The following PPP2R2C variants were observed in gnomAD, a reference collection of about 807,000 sequenced individuals.
The protein encoded by PPP2R2C is protein phosphatase 2 regulatory subunit Bgamma.
In PPP2R2C, 10 loss-of-function variants were observed where a neutral mutation model predicts 45.3. The observed-to-expected ratio is 0.22, with a 90% CI of 0.14 to 0.37. PPP2R2C has a LOEUF of 0.37. Ranked by LOEUF, PPP2R2C falls within the 10% of genes least tolerant of loss-of-function variation. The probability of loss-of-function intolerance (pLI) is 1.00; values close to 1 mark genes in which losing one functional copy is unlikely to be tolerated. For missense variants in PPP2R2C, 308 were observed against 619.7 expected (o/e 0.50, Z 5.34); for synonymous variants, 257 against 245.4 (o/e 1.05, Z -0.44).
chr4:6,397,962 A>G (rs1717157969), intron 1 of PPP2R2C, among the ~76,000 whole-genome samples: 1 of 152,246 alleles, frequency 6.6e-6, no homozygotes, highest in Non-Finnish European at 1.5e-5. Context: ...GGATCAATAC[A>G]ACTAAACAGA....
chr4:6,555,898 G>T (rs956074426), intron 1 of PPP2R2C, among the ~76,000 whole-genome samples: 2 of 152,212 alleles, frequency 1.3e-5, no homozygotes, highest in Non-Finnish European at 2.9e-5. Context: ...GACCTCAGCT[G>T]TGGCAGTGGC....
At chr4:6,535,746 G>A (rs960968923) in intron 1 of PPP2R2C, among the ~76,000 whole-genome samples, 7 of 152,052 alleles carry the variant, frequency 4.6e-5, no homozygotes, top group African/African-American at 1.7e-4. Flanking sequence ...GGTCACTCCC[G>A]CTTAAAAACA....
intron 5 of PPP2R2C, chr4:6,348,964 C>T (rs888849517): frequency 1.9e-5 from 18 of 962,182 alleles, no homozygotes; most frequent in South Asian, 4.8e-5. Flanking sequence ...GCAACTCGTC[C>T]GGGGTGGCCC....
chr4:6,482,612 C>A (rs1293016677), intron 2 of PPP2R2C, among the ~76,000 whole-genome samples: 1 of 152,208 alleles, frequency 6.6e-6, no homozygotes, highest in Admixed American at 6.5e-5. Flanking sequence ...TTTTGTTGAA[C>A]TGTCACATGC....
At position 6,345,282 on chromosome 4, in the gene PPP2R2C, T is replaced by C. The variant is rs1711738298; in HGVS notation, c.790+2564A>G. ...ACACAGGCACAGCTGGAGGCACATGTGGCCTGAGTGAATGGGCGGGAGGCG... is the reference window on the plus strand; with the variant it reads ...ACACAGGCACAGCTGGAGGCACATGCGGCCTGAGTGAATGGGCGGGAGGCG... On this transcript the variant is annotated intron_variant, in intron 6 of 8. Coordinates refer to ENST00000382599, the MANE Select transcript of PPP2R2C (RefSeq NM_020416.4). The surrounding 1 kb of genome is among the most constrained non-coding windows in gnomAD (Gnocchi z 5.3). Among the ~76,000 whole-genome samples the C allele has an allele frequency of 6.6e-6, 1 of 152,146 alleles. No homozygotes were observed. The highest frequency in any genetic ancestry group is 2.1e-4 in the South Asian group (1 of 4,828).
chr4:6,553,543 G>A (rs548503459), intron 1 of PPP2R2C, among the ~76,000 whole-genome samples: 1 of 152,282 alleles, frequency 6.6e-6, no homozygotes, highest in African/African-American at 2.4e-5. Context: ...TCCACCACAG[G>A]TAGCCTTCAT....
intron 5 of PPP2R2C, chr4:6,351,134 G>A (rs1337688895): frequency 3.1e-6 from 2 of 650,188 alleles, no homozygotes; most frequent in Non-Finnish European, 3.8e-6. Flanking sequence ...CCAAAACCCC[G>A]TCTCTACTAA....
At chr4:6,546,823 T>G (rs1009713797) in intron 1 of PPP2R2C, among the ~76,000 whole-genome samples, 2 of 151,806 alleles carry the variant, frequency 1.3e-5, no homozygotes, top group Admixed American at 6.6e-5. Flanking sequence ...GTGGTCCTTA[T>G]GAAAAAGGGC....
At chr4:6,421,396 G>A (rs1017317430) in intron 1 of PPP2R2C, among the ~76,000 whole-genome samples, 2 of 152,142 alleles carry the variant, frequency 1.3e-5, no homozygotes, top group African/African-American at 2.4e-5. Flanking sequence ...GAATCTGCAG[G>A]CCCCAAATGG....
chr4:6,481,948 C>CAGCCTGG (rs1722367242), intron 2 of PPP2R2C, among the ~76,000 whole-genome samples: 1 of 133,776 alleles, frequency 7.5e-6, no homozygotes, highest in Non-Finnish European at 1.5e-5. Flanking sequence ...CACTGCACTC[C>CAGCCTGG]AGCCTGGGTG....
chr4:6,500,960 A>G (rs4540117), intron 2 of PPP2R2C, among the ~76,000 whole-genome samples: 72,329 of 152,194 alleles, frequency 0.48, 18,075 homozygotes, highest in East Asian at 0.78. Flanking sequence ...GGCAGGGAGC[A>G]GGAAGCCTCT....
At chr4:6,394,718 T>A (rs951932279) in intron 1 of PPP2R2C, among the ~76,000 whole-genome samples, 53 of 152,238 alleles carry the variant, frequency 3.5e-4, no homozygotes, top group Non-Finnish European at 6.2e-4. Flanking sequence ...CCTGGCTGGC[T>A]TCTGTGCTCC....
At chr4:6,356,708 G>A (rs1007403544) in intron 5 of PPP2R2C, among the ~76,000 whole-genome samples, 2 of 152,274 alleles carry the variant, frequency 1.3e-5, no homozygotes, top group Non-Finnish European at 2.9e-5. Context: ...GAGAAGGTCT[G>A]CGGCCTGTTC....
At chr4:6,494,983 G>A (rs545700418) in intron 2 of PPP2R2C, among the ~76,000 whole-genome samples, 1 of 152,338 alleles carries the variant, frequency 6.6e-6, no homozygotes, top group African/African-American at 2.4e-5. Context: ...CTGTGACAGG[G>A]GAAGCTGTCC....
intron 1 of PPP2R2C, among the ~76,000 whole-genome samples, chr4:6,544,361 G>A (rs976460186): frequency 6.6e-6 from 1 of 152,066 alleles, no homozygotes; most frequent in Admixed American, 6.6e-5. Flanking sequence ...TTTATTTTTA[G>A]AGACAGGGTC....
At chr4:6,547,937 G>C (rs930786661) in intron 1 of PPP2R2C, among the ~76,000 whole-genome samples, 1 of 152,150 alleles carries the variant, frequency 6.6e-6, no homozygotes, top group Admixed American at 6.5e-5. Flanking sequence ...TCATAATGGG[G>C]CCAGGCACGG....
At chr4:6,376,182 C>T (rs908259366) in intron 3 of PPP2R2C, among the ~76,000 whole-genome samples, 3 of 152,212 alleles carry the variant, frequency 2.0e-5, no homozygotes, top group Admixed American at 2.0e-4. Context: ...CTTTCTCTTT[C>T]TCACTCTCAT....
At chr4:6,476,387 TC>T (rs1560575499), upstream of PPP2R2C, among the ~76,000 whole-genome samples, 1 of 152,096 alleles carries the variant, frequency 6.6e-6, no homozygotes, top group Non-Finnish European at 1.5e-5. Flanking sequence ...GGTGATTAGG[TC>T]CCAAGGGTGG....
At chr4:6,468,939 G>A (rs11724341) in intron 1 of PPP2R2C, among the ~76,000 whole-genome samples, 76,589 of 151,094 alleles carry the variant, frequency 0.51, 20,803 homozygotes, top group East Asian at 0.65. Flanking sequence ...CCTATCAGCT[G>A]CACTGCTCTC....
Sources: allele counts gnomAD v4.1 joint callset (sites outside exome capture counted in the v4.1 genomes callset), GRCh38; gene constraint gnomAD v4.1.1; non-coding constraint Gnocchi (gnomAD v3.1); transcripts MANE v1.5; gene names NCBI Gene and HGNC (gene_info 2026-07-23, HGNC 2026-07-21).